Variants in RAD23B observed in about 807,000 individuals in gnomAD.
RAD23B encodes the protein RAD23 nucleotide excision repair protein B, also known as lysine-specific demethylase RAD23B.
In RAD23B, 5 loss-of-function variants were observed where a neutral mutation model predicts 49.1. The observed-to-expected ratio is 0.10, with a 90% confidence interval of 0.05 to 0.21. The LOEUF is 0.21. RAD23B is among the 10% of genes least tolerant of loss of function. The probability of loss-of-function intolerance (pLI) is 1.00; values close to 1 mark genes in which losing one functional copy is unlikely to be tolerated. For missense variants in RAD23B, 356 were observed against 486.7 expected (o/e 0.73, Z 2.53); for synonymous variants, 184 against 165.4 (o/e 1.11, Z -0.86).
At chr9:107,297,043 G>A (rs1826541173) in intron 1 of RAD23B, among the ~76,000 whole-genome samples, 2 of 151,600 alleles carry the variant, frequency 1.3e-5, no homozygotes, top group African/African-American at 2.4e-5. Flanking sequence ...CAGTAGAGAC[G>A]GGGTTTCACC....
chr9:107,294,192 C>A (rs1257116755), intron 1 of RAD23B, among the ~76,000 whole-genome samples: 1 of 152,104 alleles, frequency 6.6e-6, no homozygotes, highest in East Asian at 1.9e-4. Flanking sequence ...AAAAGAAAAA[C>A]CATGCCCATC....
chr9:107,326,812 A>G (rs1255591189), intron 9 of RAD23B, among the ~76,000 whole-genome samples: 1 of 150,294 alleles, frequency 6.7e-6, no homozygotes, highest in East Asian at 2.0e-4. Flanking sequence ...TTTGTTTTGT[A>G]TTTTTTTAGT....
chr9:107,297,617 C>T (rs1031321010), intron 1 of RAD23B, among the ~76,000 whole-genome samples: 3 of 152,072 alleles, frequency 2.0e-5, no homozygotes, highest in Admixed American at 6.5e-5. Context: ...GGATTACAGG[C>T]GTGAACCACT....
chr9:107,315,396 A>T (rs941576960), intron 5 of RAD23B, among the ~76,000 whole-genome samples: 2 of 152,196 alleles, frequency 1.3e-5, no homozygotes, highest in Non-Finnish European at 2.9e-5. Context: ...TATTATTTGA[A>T]GTCAGGCAAT....
At chr9:107,313,040 T>G (rs1033377143) in intron 5 of RAD23B, among the ~76,000 whole-genome samples, 2 of 152,196 alleles carry the variant, frequency 1.3e-5, no homozygotes, top group Non-Finnish European at 2.9e-5. Context: ...GTTGATTCCC[T>G]GCTTTTTTAT....
At chr9:107,322,353 T>C (rs11573702) in intron 7 of RAD23B, among the ~76,000 whole-genome samples, 1,525 of 152,370 alleles carry the variant, frequency 0.01, 21 homozygotes, top group African/African-American at 0.032. Context: ...GGGCATATTC[T>C]GTTTTATTTG....
rs1218849875 is a variant in RAD23B, at chr9:107,318,005, T to G, written c.554-747T>G. Reference sequence around the variant, plus strand: ...TTGAAATACCATCCCTTCCCCAGCATGTTTTCAGAATTTGGTGTCTCTTCT... The same window carrying G: ...TTGAAATACCATCCCTTCCCCAGCAGGTTTTCAGAATTTGGTGTCTCTTCT... On this transcript the variant is annotated intron_variant, in intron 5 of 9. Transcript: ENST00000358015. This position sits in a 1 kb window ranked among gnomAD's most constrained non-coding sequence, Gnocchi z 4.3. Among the ~76,000 whole-genome samples, 1 of 152,192 alleles carries G rather than the reference T, an allele frequency of 6.6e-6. No individual in the cohort carries two copies. Among genetic ancestry groups the G allele is most frequent in the African/African-American group, 2.4e-5 (1 of 41,434 alleles).
At chr9:107,295,086 T>TG (rs200172742) in intron 1 of RAD23B, among the ~76,000 whole-genome samples, 162 of 142,896 alleles carry the variant, frequency 1.1e-3, no homozygotes, top group African/African-American at 2.1e-3. Flanking sequence ...CAGCGGTGGG[T>TG]GGGGGGGGAC....
chr9:107,284,021 C>T (rs1049569565), intron 1 of RAD23B: 21 of 1,062,998 alleles, frequency 2.0e-5, no homozygotes, highest in Non-Finnish European at 2.3e-5. Context: ...CCGTCTCAGC[C>T]GTAGAGCCTG....
chr9:107,302,882 T>G (rs1826686944), intron 3 of RAD23B, among the ~76,000 whole-genome samples: 1 of 152,066 alleles, frequency 6.6e-6, no homozygotes, highest in Non-Finnish European at 1.5e-5. Flanking sequence ...GGTCTCGATT[T>G]CCTGACCTCG....
chr9:107,300,605 A>G (rs758782375), intron 2 of RAD23B, among the ~76,000 whole-genome samples: 1 of 152,066 alleles, frequency 6.6e-6, no homozygotes, highest in Non-Finnish European at 1.5e-5. Flanking sequence ...AAGAGTACAG[A>G]AAAAACACAT....
Position 107,318,966 on chromosome 9 carries a change from C to CA in RAD23B, c.681+88dup. 1 of 1,337,394 alleles carries CA rather than the reference C, an allele frequency of 7.5e-7. No homozygotes were observed. Among genetic ancestry groups the CA allele is most frequent in the East Asian group, 2.4e-5 (1 of 41,102 alleles). The allele number at this position is 1,337,394 out of a possible 1,614,324, so 82.8% of individuals were successfully genotyped here. ...GATTTTAAAGGACCAGTTCACTTGTCACTGATATATGCTAGATGATATACA... is the reference window on the plus strand; with the variant it reads ...GATTTTAAAGGACCAGTTCACTTGTCAACTGATATATGCTAGATGATATACA... On this transcript the variant is annotated intron_variant, in intron 6 of 9. Transcript: ENST00000358015. The surrounding 1 kb of genome is among the most constrained non-coding windows in gnomAD (Gnocchi z 4.3).
chr9:107,300,046 T>C, intron 1 of RAD23B, 95 bp from the exon 2 acceptor site: 2 of 1,397,470 alleles, frequency 1.4e-6, no homozygotes, highest in South Asian at 1.4e-5. Flanking sequence ...TTAATAATTA[T>C]GTATATAATT....
chr9:107,302,483 T>A (rs1428581824), intron 3 of RAD23B, among the ~76,000 whole-genome samples: 1 of 152,124 alleles, frequency 6.6e-6, no homozygotes, highest in Non-Finnish European at 1.5e-5. Context: ...TAAATAGACC[T>A]GCTAAATTAC....
intron 9 of RAD23B, among the ~76,000 whole-genome samples, chr9:107,327,838 T>G (rs898676461): frequency 6.6e-6 from 1 of 152,200 alleles, no homozygotes; most frequent in African/African-American, 2.4e-5. Flanking sequence ...TTATTGTTAA[T>G]TGCCAATTTC....
intron 8 of RAD23B, among the ~76,000 whole-genome samples, chr9:107,324,584 T>G (rs1356706620): frequency 6.6e-6 from 1 of 152,142 alleles, no homozygotes; most frequent in African/African-American, 2.4e-5. Flanking sequence ...TTTGTTTTGT[T>G]TTTTTAAGCA....
intron 1 of RAD23B, among the ~76,000 whole-genome samples, chr9:107,287,745 A>G (rs1833301456): frequency 1.3e-5 from 2 of 149,644 alleles, no homozygotes; most frequent in Admixed American, 1.3e-4. Context: ...GAGGCAGGAG[A>G]GTCGCTTGAA....
At chr9:107,322,595 G>T (rs969516821) in intron 7 of RAD23B, among the ~76,000 whole-genome samples, 1 of 152,218 alleles carries the variant, frequency 6.6e-6, no homozygotes, top group Admixed American at 6.5e-5. Context: ...CTTTACTGGG[G>T]TGCTGACCAT....
intron 6 of RAD23B, 80 bp from the exon 7 acceptor site, chr9:107,321,899 TTAAA>T (rs1827117536): frequency 3.8e-6 from 5 of 1,311,110 alleles, no homozygotes; most frequent in Non-Finnish European, 5.0e-6. Flanking sequence ...AAACAAGATG[TTAAA>T]TAGACTATAA....
Sources: allele counts gnomAD v4.1 joint callset (sites outside exome capture counted in the v4.1 genomes callset), GRCh38; gene constraint gnomAD v4.1.1; non-coding constraint Gnocchi (gnomAD v3.1); transcripts MANE v1.5; gene names NCBI Gene and HGNC (gene_info 2026-07-23, HGNC 2026-07-21).